HEATR1: variants seen among roughly 807,000 people sequenced by gnomAD.
HEATR1 encodes HEAT repeat-containing protein 1.
Under a neutral mutation model 248.2 loss-of-function variants are expected in HEATR1, and 77 were observed. That is an observed-to-expected ratio of 0.31 (90% confidence interval 0.26 to 0.37). The LOEUF (loss-of-function observed/expected upper bound fraction) is 0.37. Ranked by LOEUF, HEATR1 falls within the 10% of genes least tolerant of loss-of-function variation. HEATR1 has a pLI of 1.00. For missense variants in HEATR1, 2,420 were observed against 2,504.9 expected, an observed-to-expected ratio of 0.97 and a Z score of 0.72; for synonymous variants, 897 against 923.1, an observed-to-expected ratio of 0.97 and a Z score of 0.51.
intron 12 of HEATR1, among the ~76,000 whole-genome samples, chr1:236,589,636 A>T (rs1328806371): frequency 6.6e-6 from 1 of 152,208 alleles, no homozygotes; most frequent in African/African-American, 2.4e-5. Flanking sequence ...TTGTAGTAAG[A>T]ATCTGCTTCT....
Position 236,571,437 on chromosome 1 carries a change from T to C in HEATR1, c.3862A>G (p.Ile1288Val), listed in dbSNP as rs1663422402. The change falls in exon 28 of 45, where the codon ATA becomes GTA. Residue 1288 changes from isoleucine to valine, a missense_variant. Physicochemically the swap from Ile to Val is conservative, Grantham distance 29. Transcript: ENST00000366582. ...TCCGAAAGGCGGATGCACTGAACTA[T>C]CAACTCCACGTTGAACTTCTCCTCA... ...LDEEKFNVEL[I>V]VQCIRLSEMP... 2.5e-6 allele frequency: 4 copies of C among 1,613,888 alleles called. No individual in the cohort carries two copies. The highest frequency in any genetic ancestry group is 3.4e-6 in the Non-Finnish European group (4 of 1,179,972).
At position 236,568,891 on chromosome 1, in the gene HEATR1, A is replaced by AAC. The variant is rs1402629482; in HGVS notation, c.4077+104_4077+105insGT. The AAC allele has an allele frequency of 1.2e-3, 709 of 586,782 alleles. 3 individuals are homozygous for AAC. The African/African-American group carries it at 0.02, about 17-fold the overall frequency. The allele number at this position is 586,782 out of a possible 1,614,324, so 36.3% of individuals were successfully genotyped here. A position where few individuals can be genotyped will look rare whatever the true frequency, so the allele number is the denominator to read the frequency against. On this transcript the variant is annotated intron_variant, in intron 29 of 44. Transcript: ENST00000366582. ...ATACAACTGTTGAGGATATTAAAAA[A>AAC]AAAAAACAAAAAAAAAAAACTAAAA...
Position 236,596,625 on chromosome 1 carries a change from G to A in HEATR1, c.744+211C>T, listed in dbSNP as rs114928712. 2.0e-3 allele frequency among the ~76,000 whole-genome samples: 305 copies of A among 152,256 alleles called. 2 individuals carry two copies. Among genetic ancestry groups the A allele is most frequent in the African/African-American group, 7.0e-3 (291 of 41,546 alleles). On this transcript the variant is annotated intron_variant, in intron 6 of 44. Transcript: ENST00000366582. ...TAGGAGATGGCCGCAGGACCAGACA[G>A]CCAATATTTATTCTTAAGAGTCCTA...
intron 23 of HEATR1, 124 bp from the exon 24 acceptor site, chr1:236,574,457 C>T: frequency 7.7e-7 from 1 of 1,292,210 alleles, no homozygotes; most frequent in Non-Finnish European, 1.1e-6. Flanking sequence ...AGTTAAAATG[C>T]AATTCTTTTT....
In HEATR1 at chr1:236,558,659, T is replaced by C. The variant is rs1663041870; in HGVS notation, c.4912-130A>G. 4 of 883,258 alleles carry C rather than the reference T, an allele frequency of 4.5e-6. No homozygotes were observed. The East Asian group carries it at 7.9e-5, about 17-fold the overall frequency. The allele number at this position is 883,258 out of a possible 1,614,324, so 54.7% of individuals were successfully genotyped here. ...GGGGTCCTGAGTCACACAGTCATGC[T>C]AAGCGATGTGCATGTTCTAGCCAGT... On this transcript the variant is annotated intron_variant, in intron 35 of 44. Coordinates refer to ENST00000366582, the MANE Select transcript of HEATR1 (RefSeq NM_018072.6).
At chr1:236,560,461 G>A (rs541803626) in intron 33 of HEATR1, among the ~76,000 whole-genome samples, 37 of 152,266 alleles carry the variant, frequency 2.4e-4, no homozygotes, top group African/African-American at 8.7e-4. Context: ...GGGAAGAGTG[G>A]AGACAGAAGT....
At chr1:236,569,667 C>A (rs577266790) in intron 28 of HEATR1, among the ~76,000 whole-genome samples, 6 of 152,138 alleles carry the variant, frequency 3.9e-5, no homozygotes, top group Non-Finnish European at 7.3e-5. Context: ...AAATTGGGAA[C>A]TTTACAGGCT....
At chr1:236,562,668 A>G (rs1435456346) in intron 32 of HEATR1, among the ~76,000 whole-genome samples, 1 of 152,244 alleles carries the variant, frequency 6.6e-6, no homozygotes, top group Non-Finnish European at 1.5e-5. Flanking sequence ...TTAAAATGAT[A>G]TAATTGAAAA....
chr1:236,600,375 C>G (rs1664289158), intron 3 of HEATR1, among the ~76,000 whole-genome samples: 1 of 151,826 alleles, frequency 6.6e-6, no homozygotes, highest in Non-Finnish European at 1.5e-5. Flanking sequence ...AGGCAATCTA[C>G]CTGCCTCAGC....
intron 20 of HEATR1, among the ~76,000 whole-genome samples, chr1:236,577,157 T>C (rs1259873871): frequency 2.7e-5 from 4 of 147,014 alleles, no homozygotes; most frequent in African/African-American, 4.9e-5. Flanking sequence ...GAGCATACTA[T>C]AAACTCTGTT....
At chr1:236,564,812 T>C (rs1247651956) in intron 31 of HEATR1, 151 bp from the exon 32 acceptor site, 2 of 734,316 alleles carry the variant, frequency 2.7e-6, no homozygotes, top group Non-Finnish European at 4.2e-6. Flanking sequence ...GTTTCTCCTC[T>C]TCTAAATTAG....
intron 20 of HEATR1, among the ~76,000 whole-genome samples, chr1:236,579,639 G>C (rs1471458863): frequency 2.0e-5 from 3 of 152,064 alleles, no homozygotes; most frequent in African/African-American, 7.2e-5. Flanking sequence ...AAAATGTATA[G>C]AGTTGTTCTT....
At chr1:236,566,483 C>T (rs190057746) in intron 30 of HEATR1, among the ~76,000 whole-genome samples, 163 bp downstream of exon 30, 16 of 152,162 alleles carry the variant, frequency 1.1e-4, no homozygotes, top group Non-Finnish European at 1.5e-4. Context: ...GCTCTGAATG[C>T]AATTTTTTAA....
chr1:236,587,820 C>T (rs910618809), intron 13 of HEATR1, 128 bp downstream of exon 13: 3 of 619,444 alleles, frequency 4.8e-6, no homozygotes, highest in Non-Finnish European at 8.3e-6. Flanking sequence ...AGTCTGTGCT[C>T]TCCAGAGAAC....
rs1663508785 is a variant in HEATR1, at chr1:236,574,316, A to C, written c.3345T>G (p.Phe1115Leu). ...TALEKITKPF[F>L]AAISDEKVQQ... is the part of the protein sequence containing the mutation. ...GAACTTTTTCATCTGATATGGCTGC[A>C]AAAAATGGTTTTGTAATCTAGAGGG... The change falls in exon 24 of 45, where the codon TTT (phenylalanine) becomes TTG (leucine). Residue 1115 changes from phenylalanine to leucine, a missense_variant. Coordinates refer to ENST00000366582, the MANE Select transcript of HEATR1 (RefSeq NM_018072.6). The C allele has an allele frequency of 1.9e-6, 3 of 1,609,358 alleles. No individual in the cohort carries two copies. The highest frequency in any genetic ancestry group is 2.5e-6 in the Non-Finnish European group (3 of 1,178,608).
At chr1:236,560,479 G>A (rs16833893) in intron 33 of HEATR1, among the ~76,000 whole-genome samples, 2,377 of 152,230 alleles carry the variant, frequency 0.016, 14 homozygotes, top group Middle Eastern at 0.075. Flanking sequence ...AGTTGACACC[G>A]CACAGCAGAG....
chr1:236,572,416 T>G lies in HEATR1; in HGVS notation c.3702A>C (p.Leu1234=). 1 of 1,614,064 alleles carries G rather than the reference T, an allele frequency of 6.2e-7. No individual in the cohort carries two copies. Among genetic ancestry groups the G allele is most frequent in the Non-Finnish European group, 8.5e-7 (1 of 1,179,928 alleles). Residue 1234 remains leucine (L), a synonymous_variant, in exon 26 of 45, where the codon CTA becomes CTC. Transcript: ENST00000366582. ...TCAAAGCCAAGTGTCATTACCTTGA[T>G]AGCAAGTTAAAAAGAGTTGGCACCA... The part of the protein sequence containing the change: ...QILVPTLFNL[L]SRCLEPLPQE...
chr1:236,587,851 A>G, intron 13 of HEATR1, 97 bp downstream of exon 13: 2 of 827,038 alleles, frequency 2.4e-6, no homozygotes, highest in East Asian at 2.7e-5. Context: ...TGGAAAAATA[A>G]TTTCCAAAAA....
At chr1:236,600,524 A>G (rs962400907) in intron 3 of HEATR1, among the ~76,000 whole-genome samples, 1 of 148,238 alleles carries the variant, frequency 6.7e-6, no homozygotes, top group African/African-American at 2.5e-5. Context: ...AGTACCATAC[A>G]TTGCCTTTTA....
Sources: gnomAD v4.1 joint callset for allele counts (sites outside exome capture counted in the v4.1 genomes callset) on GRCh38, gnomAD v4.1.1 for gene constraint, MANE v1.5 for transcripts, NCBI Gene and HGNC (gene_info 2026-07-23, HGNC 2026-07-21) for gene names.